Variants in PDZRN3 observed in about 807,000 individuals in gnomAD.
The protein encoded by PDZRN3 is E3 ubiquitin-protein ligase PDZRN3.
PDZRN3 carries 38 observed loss-of-function variants against 85.7 expected under a neutral mutation model. The observed-to-expected ratio is 0.44, with a 90% CI of 0.34 to 0.58. The LOEUF (loss-of-function observed/expected upper bound fraction) is 0.58, where lower values mean the gene tolerates loss of function less well. Among genes scored for constraint, PDZRN3 ranks in the 20% least tolerant of loss-of-function variants. The pLI is 0.01. For missense variants in PDZRN3, 1,629 were observed against 1,506.4 expected (o/e 1.08, Z -1.35); for synonymous variants, 759 against 638.0 (o/e 1.19, Z -2.86).
intron 3 of PDZRN3, among the ~76,000 whole-genome samples, chr3:73,600,187 T>C (rs1702491530): frequency 6.6e-6 from 1 of 152,090 alleles, no homozygotes; most frequent in African/African-American, 2.4e-5. Context: ...GATTTAATAA[T>C]ACCCCTTTGC....
rs553335741 is a variant in PDZRN3 at position 73,562,358 on chromosome 3, T to C, written c.918+39996A>G. Among the ~76,000 whole-genome samples, 101 of 152,326 alleles carry C rather than the reference T, an allele frequency of 6.6e-4. 2 individuals are homozygous for C. The highest frequency in any genetic ancestry group is 2.3e-3 in the African/African-American group (97 of 41,574). On this transcript the variant is annotated intron_variant, in intron 3 of 9. Transcript: ENST00000263666. The stretch of plus-strand genomic sequence containing the variant: ...TAGGACATCCAGTATAAGATGGGCA[T>C]GATATGCCTCTCTTAGGAAACTGAC...
At chr3:73,532,441 C>T in intron 3 of PDZRN3, among the ~76,000 whole-genome samples, 1 of 152,208 alleles carries the variant, frequency 6.6e-6, no homozygotes, top group East Asian at 1.9e-4. Context: ...TCCAGCTTTG[C>T]AAACATAAAT....
intron 3 of PDZRN3, among the ~76,000 whole-genome samples, chr3:73,410,114 C>T (rs1701935875): frequency 6.6e-6 from 1 of 152,120 alleles, no homozygotes; most frequent in Non-Finnish European, 1.5e-5. Context: ...ATAGAATTCA[C>T]TGGAAGCAAT....
At chr3:73,535,761 G>GTGTAAATCTCGCCCATAA (rs1411721204) in intron 3 of PDZRN3, among the ~76,000 whole-genome samples, 4 of 152,134 alleles carry the variant, frequency 2.6e-5, no homozygotes, top group Non-Finnish European at 2.9e-5. Context: ...GTTACATATG[G>GTGTAAATCTCGCCCATAA]TGTAAATCTC....
intron 3 of PDZRN3, among the ~76,000 whole-genome samples, chr3:73,540,649 T>C (rs1348859196): frequency 6.6e-6 from 1 of 152,206 alleles, no homozygotes; most frequent in African/African-American, 2.4e-5. Flanking sequence ...CCTGCTATCA[T>C]GTGAAGAATG....
intron 3 of PDZRN3, among the ~76,000 whole-genome samples, chr3:73,519,561 T>C (rs1466242067): frequency 6.6e-6 from 1 of 152,176 alleles, no homozygotes; most frequent in African/African-American, 2.4e-5. Context: ...GTAAGTGGGA[T>C]CATTAATTGT....
intron 8 of PDZRN3, among the ~76,000 whole-genome samples, chr3:73,386,224 C>G (rs1252831943): frequency 2.2e-5 from 1 of 44,760 alleles, no homozygotes; most frequent in Non-Finnish European, 4.8e-5. Context: ...GGCAAGATAT[C>G]ACTTTTTTTT....
intron 5 of PDZRN3, among the ~76,000 whole-genome samples, chr3:73,399,086 G>A (rs1701698497): frequency 6.6e-6 from 1 of 152,050 alleles, no homozygotes; most frequent in Non-Finnish European, 1.5e-5. Flanking sequence ...AGAGCGGGGG[G>A]CTGTAGGTTC....
At chr3:73,437,964 G>C (rs1036627934) in intron 3 of PDZRN3, among the ~76,000 whole-genome samples, 1 of 152,146 alleles carries the variant, frequency 6.6e-6, no homozygotes, top group Non-Finnish European at 1.5e-5. Context: ...TGAGAGAACA[G>C]CTGTCCCAGT....
intron 3 of PDZRN3, among the ~76,000 whole-genome samples, chr3:73,449,302 A>G (rs1702811730): frequency 6.6e-6 from 1 of 151,998 alleles, no homozygotes; most frequent in Non-Finnish European, 1.5e-5. Context: ...TCTGATTAAT[A>G]TTCATATTCG....
chr3:73,409,126 C>T (rs1559662815), intron 3 of PDZRN3, among the ~76,000 whole-genome samples: 1 of 152,130 alleles, frequency 6.6e-6, no homozygotes, highest in African/African-American at 2.4e-5. Context: ...TGGCTGGTCC[C>T]CTGGGACTTA....
intron 3 of PDZRN3, among the ~76,000 whole-genome samples, chr3:73,563,707 C>T (rs574967284): frequency 6.6e-6 from 1 of 152,280 alleles, no homozygotes; most frequent in South Asian, 2.1e-4. Context: ...ATGCCAAAAA[C>T]ATTTACTATT....
intron 1 of PDZRN3, among the ~76,000 whole-genome samples, chr3:73,612,235 G>A (rs996448717): frequency 2.0e-5 from 3 of 152,174 alleles, no homozygotes; most frequent in Non-Finnish European, 4.4e-5. Context: ...TGAGGCTCAG[G>A]GAAAATCAGA....
At chr3:73,388,947 AAAAAAAAAAGAG>A (rs1701459883) in intron 7 of PDZRN3, among the ~76,000 whole-genome samples, 2 of 150,332 alleles carry the variant, frequency 1.3e-5, no homozygotes, top group African/African-American at 4.9e-5. Context: ...AAAAAAAAAA[AAAAAAAAAAGAG>A]GCAGTATGCT....
At chr3:73,611,458 T>C (rs144020382) in intron 1 of PDZRN3, among the ~76,000 whole-genome samples, 246 of 152,314 alleles carry the variant, frequency 1.6e-3, no homozygotes, top group African/African-American at 5.5e-3. Flanking sequence ...CCAGATGCAA[T>C]GCTGGGGAGA....
intron 3 of PDZRN3, among the ~76,000 whole-genome samples, chr3:73,422,815 T>G (rs1260158267): frequency 6.6e-6 from 1 of 152,184 alleles, no homozygotes; most frequent in Non-Finnish European, 1.5e-5. Context: ...TAGACAGACA[T>G]GCTAAACAAC....
At chr3:73,545,038 C>T (rs772838220) in intron 3 of PDZRN3, among the ~76,000 whole-genome samples, 5 of 152,236 alleles carry the variant, frequency 3.3e-5, no homozygotes, top group Admixed American at 6.5e-5. Context: ...AAAAAAGGTC[C>T]GCTTAGATTA....
chr3:73,624,526 C>T lies in PDZRN3; in HGVS notation c.300G>A (p.Glu100=), dbSNP rs1702935990. The T allele has an allele frequency of 6.8e-7, 1 of 1,474,714 alleles. No individual in the cohort carries two copies. Among genetic ancestry groups the T allele is most frequent in the Non-Finnish European group, 8.9e-7 (1 of 1,119,006 alleles). The allele number at this position is 1,474,714 out of a possible 1,614,324, so 91.4% of individuals were successfully genotyped here. The part of the protein sequence containing the change: ...GRVVKLQQLP[E]HLERCDFAPA... Reference sequence around the variant, plus strand: ...GCGCGAAGTCGCAGCGCTCGAGGTGCTCCGGCAGCTGCTGCAGCTTGACCA... The same window carrying T: ...GCGCGAAGTCGCAGCGCTCGAGGTGTTCCGGCAGCTGCTGCAGCTTGACCA... Residue 100 remains glutamate (E), a synonymous_variant, in exon 1 of 10, where the codon GAG becomes GAA. Coordinates refer to ENST00000263666, the MANE Select transcript of PDZRN3 (RefSeq NM_015009.3).
chr3:73,605,169 T>G (rs947673235), intron 2 of PDZRN3, among the ~76,000 whole-genome samples: 1 of 150,088 alleles, frequency 6.7e-6, no homozygotes, highest in African/African-American at 2.5e-5. Context: ...ATTGTGCCGT[T>G]GCACTCCAAC....
Sources: allele counts gnomAD v4.1 joint callset (sites outside exome capture counted in the v4.1 genomes callset), GRCh38; gene constraint gnomAD v4.1.1; transcripts MANE v1.5; gene names NCBI Gene and HGNC (gene_info 2026-07-23, HGNC 2026-07-21).